The following ZMIZ1 variants were observed in gnomAD, a reference collection of about 807,000 sequenced individuals.
The protein encoded by ZMIZ1 is zinc finger MIZ domain-containing protein 1.
A neutral mutation model predicts 113.9 loss-of-function variants in ZMIZ1; 17 were observed. That is an observed-to-expected ratio of 0.15 (90% CI 0.10 to 0.22). The LOEUF (loss-of-function observed/expected upper bound fraction) is 0.22. ZMIZ1 is among the 10% of genes least tolerant of loss of function. The probability of loss-of-function intolerance (pLI) is 1.00; values close to 1 mark genes in which losing one functional copy is unlikely to be tolerated. For synonymous variants in ZMIZ1, 607 were observed against 603.1 expected (o/e 1.01, Z -0.09); for missense variants, 1,059 against 1,477.8 (o/e 0.72, Z 4.65).
chr10:79,108,425 C>T (rs1843629434), intron 1 of ZMIZ1, among the ~76,000 whole-genome samples: 1 of 152,102 alleles, frequency 6.6e-6, no homozygotes, highest in Non-Finnish European at 1.5e-5. Flanking sequence ...TACCTAGGTC[C>T]TAGGGTGCCA....
At chr10:79,231,488 C>T (rs571280320) in intron 7 of ZMIZ1, among the ~76,000 whole-genome samples, 1 of 152,248 alleles carries the variant, frequency 6.6e-6, no homozygotes, top group East Asian at 1.9e-4. Flanking sequence ...AGGTGATCTG[C>T]CCGCCTCGGC....
chr10:79,188,876 A>C (rs1847471488), intron 4 of ZMIZ1, among the ~76,000 whole-genome samples: 1 of 152,198 alleles, frequency 6.6e-6, no homozygotes, highest in Non-Finnish European at 1.5e-5. Flanking sequence ...TGCTTTCATG[A>C]TCTCCCAGAG....
At chr10:79,274,604 A>G (rs1033476397) in intron 7 of ZMIZ1, among the ~76,000 whole-genome samples, 3 of 147,758 alleles carry the variant, frequency 2.0e-5, no homozygotes, top group Admixed American at 6.7e-5. Context: ...CACAACATCC[A>G]CTGCCCCGCA....
In ZMIZ1 at chr10:79,306,096, C is replaced by A; in HGVS notation, c.2424-4C>A. 1 of 1,609,936 alleles carries A rather than the reference C, an allele frequency of 6.2e-7. No homozygotes were observed. ...CCTCAGCTCTGCCACCCTTCCTCCC[C>A]CAGCTCCGAGTTTGAAGAGGTCACC... On this transcript the variant is annotated splice_region_variant and splice_polypyrimidine_tract_variant and intron_variant, in intron 21 of 24. Transcript: ENST00000334512.
At chr10:79,292,039 GC>G in intron 10 of ZMIZ1, 118 bp from the exon 11 acceptor site, 3 of 1,004,530 alleles carry the variant, frequency 3.0e-6, no homozygotes, top group Non-Finnish European at 4.5e-6. Context: ...ATCCCAAGAG[GC>G]CCCGTCCCCT....
At chr10:79,243,195 A>G (rs1564545880) in intron 7 of ZMIZ1, among the ~76,000 whole-genome samples, 1 of 149,972 alleles carries the variant, frequency 6.7e-6, no homozygotes, top group African/African-American at 2.4e-5. Context: ...GTGGGTGGTC[A>G]CGCCCGCAGG....
At chr10:79,134,021 C>G (rs779592494) in intron 2 of ZMIZ1, among the ~76,000 whole-genome samples, 1 of 152,136 alleles carries the variant, frequency 6.6e-6, no homozygotes, top group Non-Finnish European at 1.5e-5. Flanking sequence ...TGGTGATTAG[C>G]TGATTATCGG....
At chr10:79,120,278 C>T (rs569800163) in intron 2 of ZMIZ1, among the ~76,000 whole-genome samples, 3 of 152,360 alleles carry the variant, frequency 2.0e-5, no homozygotes, top group Middle Eastern at 3.4e-3. Context: ...CACTTGCATG[C>T]TCACATACAC....
chr10:79,213,872 G>A (rs1011800720), intron 6 of ZMIZ1, among the ~76,000 whole-genome samples: 1 of 152,116 alleles, frequency 6.6e-6, no homozygotes, highest in Non-Finnish European at 1.5e-5. Context: ...TACCTATCTC[G>A]TGGAGCTGCT....
chr10:79,270,539 CA>C (rs1851883915), intron 7 of ZMIZ1, among the ~76,000 whole-genome samples: 1 of 152,204 alleles, frequency 6.6e-6, no homozygotes, highest in Non-Finnish European at 1.5e-5. Flanking sequence ...CGCCGCCGAT[CA>C]TACTATGGCA....
intron 7 of ZMIZ1, among the ~76,000 whole-genome samples, chr10:79,243,935 T>C (rs1216996928): frequency 6.6e-6 from 1 of 152,214 alleles, no homozygotes; most frequent in African/African-American, 2.4e-5. Context: ...GGGCCGGTTT[T>C]GTGTGCCCAC....
At chr10:79,278,610 G>A (rs1407562839) in intron 8 of ZMIZ1, among the ~76,000 whole-genome samples, 1 of 151,056 alleles carries the variant, frequency 6.6e-6, no homozygotes, top group Non-Finnish European at 1.5e-5. Context: ...TGTGTCCCTG[G>A]GTACTTGAGA....
At chr10:79,297,927 G>C (rs1854015356) in intron 14 of ZMIZ1, among the ~76,000 whole-genome samples, 1 of 152,160 alleles carries the variant, frequency 6.6e-6, no homozygotes, top group East Asian at 1.9e-4. Flanking sequence ...AGGAGAGGGA[G>C]AGGGGTTCCT....
Position 79,312,983 on chromosome 10 carries a change from G to T in ZMIZ1, c.*234G>T, listed in dbSNP as rs1855299484. On this transcript the variant is annotated 3_prime_UTR_variant, in exon 25 of 25. Transcript: ENST00000334512. ...GCCCACGTCCCACCTCCACACCCTT[G>T]GCTTGGGCCCATGCCCAGCGCAGGC... The T allele has an allele frequency of 7.2e-6, 4 of 556,026 alleles. No individual in the cohort carries two copies. The East Asian group carries it at 1.2e-4, about 17-fold the overall frequency. 34.4% of individuals were successfully genotyped at this position (556,026 alleles called of 1,614,324 possible).
intron 2 of ZMIZ1, among the ~76,000 whole-genome samples, chr10:79,128,560 G>A (rs1290971445): frequency 1.3e-5 from 2 of 152,214 alleles, no homozygotes; most frequent in Non-Finnish European, 2.9e-5. Context: ...AGGAGGAGGC[G>A]TGTGTACATC....
intron 2 of ZMIZ1, among the ~76,000 whole-genome samples, chr10:79,134,474 G>A (rs1307131577): frequency 2.6e-5 from 4 of 152,206 alleles, no homozygotes; most frequent in South Asian, 4.1e-4. Flanking sequence ...AACTCATGCA[G>A]AGGAAAGGAG....
intron 21 of ZMIZ1, among the ~76,000 whole-genome samples, chr10:79,305,835 C>T (rs1482879992): frequency 5.9e-5 from 9 of 152,312 alleles, no homozygotes; most frequent in Non-Finnish European, 8.8e-5. Context: ...TGCCCCGCCC[C>T]GACCCTCCAC....
intron 1 of ZMIZ1, among the ~76,000 whole-genome samples, chr10:79,098,088 T>A (rs1589267817): frequency 6.6e-6 from 1 of 152,178 alleles, no homozygotes; most frequent in East Asian, 1.9e-4. Context: ...CTTGGGGTTG[T>A]GGGGAATGGT....
rs113930588 is a variant in ZMIZ1, at chr10:79,163,570, T to G, written c.-50+1437T>G. Among the ~76,000 whole-genome samples the G allele has an allele frequency of 3.9e-5, 6 of 152,330 alleles. 1 individual carries two copies. Among genetic ancestry groups the G allele is most frequent in the African/African-American group, 1.4e-4 (6 of 41,580 alleles). On this transcript the variant is annotated intron_variant, in intron 4 of 24. Transcript: ENST00000334512. ...CACAAGAATCCCACGGGGAGGTTTGTCTAATTCATTCTCCAGAGGCTCGGC... is the reference window on the plus strand; with the variant it reads ...CACAAGAATCCCACGGGGAGGTTTGGCTAATTCATTCTCCAGAGGCTCGGC...
Sources: gnomAD v4.1 joint callset for allele counts (sites outside exome capture counted in the v4.1 genomes callset) on GRCh38, gnomAD v4.1.1 for gene constraint, MANE v1.5 for transcripts, NCBI Gene and HGNC (gene_info 2026-07-23, HGNC 2026-07-21) for gene names.